ADGRF3: variants seen among roughly 807,000 people sequenced by gnomAD.
The protein encoded by ADGRF3 is adhesion G protein-coupled receptor F3.
ADGRF3 carries 85 observed loss-of-function variants against 93.2 expected under a neutral mutation model. The observed-to-expected ratio is 0.91, with a 90% CI of 0.77 to 1.09. The LOEUF (loss-of-function observed/expected upper bound fraction) is 1.09. ADGRF3 is among the 50% of genes least tolerant of loss of function. The pLI, the probability that ADGRF3 is intolerant of heterozygous loss-of-function variation, is 0.00. For synonymous variants in ADGRF3, 534 were observed against 532.5 expected, an observed-to-expected ratio of 1.00 and a Z score of -0.04; for missense variants, 1,125 against 1,246.2, an observed-to-expected ratio of 0.90 and a Z score of 1.46.
intron 1 of ADGRF3, among the ~76,000 whole-genome samples, chr2:26,336,947 T>G (rs1489035627): frequency 6.6e-6 from 1 of 151,996 alleles, no homozygotes; most frequent in Non-Finnish European, 1.5e-5. Flanking sequence ...AGTGGGAGGT[T>G]TGGAAGTAAG....
rs537826496 is a variant in ADGRF3, at chr2:26,324,132, T to C, written c.115-6570A>G. On this transcript the variant is annotated intron_variant, in intron 1 of 13. Transcript: ENST00000651242. ...TGGGTGTGGCGGCACATGCTTGTAA[T>C]CCCAGCTACATGGGAGGCTGAGGTG... 2.6e-5 allele frequency among the ~76,000 whole-genome samples: 4 copies of C among 152,206 alleles called. No homozygotes were observed. In the South Asian group the frequency reaches 8.3e-4, roughly 32 times the overall value.
chr2:26,345,614 G>C (rs929642278), intron 1 of ADGRF3: 1 of 153,584 alleles, frequency 6.5e-6, no homozygotes, highest in Non-Finnish European at 1.5e-5. Flanking sequence ...AAATTTCTAC[G>C]GCACGCAGCG....
intron 1 of ADGRF3, among the ~76,000 whole-genome samples, chr2:26,331,230 A>C (rs1346795): frequency 6.6e-6 from 1 of 152,160 alleles, no homozygotes; most frequent in Non-Finnish European, 1.5e-5. Flanking sequence ...CAGCTTATGG[A>C]CAGCTTTTGT....
chr2:26,330,239 A>C (rs1339653268), intron 1 of ADGRF3, among the ~76,000 whole-genome samples: 1 of 152,068 alleles, frequency 6.6e-6, no homozygotes, highest in Admixed American at 6.6e-5. Flanking sequence ...TGGATGGTCG[A>C]TCTCTTAGTG....
At chr2:26,326,682 C>T (rs1675450685) in intron 1 of ADGRF3, among the ~76,000 whole-genome samples, 1 of 152,068 alleles carries the variant, frequency 6.6e-6, no homozygotes, top group African/African-American at 2.4e-5. Flanking sequence ...GTACTGAGAA[C>T]CTATTGTTCA....
intron 1 of ADGRF3, among the ~76,000 whole-genome samples, chr2:26,326,204 C>A (rs1482191378): frequency 6.6e-6 from 1 of 152,212 alleles, no homozygotes; most frequent in East Asian, 1.9e-4. Context: ...CCAGGTCTAC[C>A]TGTCTGGGGA....
intron 1 of ADGRF3, among the ~76,000 whole-genome samples, chr2:26,323,039 G>A (rs545083717): frequency 3.3e-5 from 5 of 152,140 alleles, no homozygotes; most frequent in East Asian, 1.9e-4. Flanking sequence ...CTCAGGAGAC[G>A]GAGGCATGAG....
At chr2:26,336,953 G>C (rs926242736) in intron 1 of ADGRF3, among the ~76,000 whole-genome samples, 1 of 152,102 alleles carries the variant, frequency 6.6e-6, no homozygotes, top group Non-Finnish European at 1.5e-5. Flanking sequence ...AGGTTTGGAA[G>C]TAAGAGATAG....
chr2:26,345,528 T>C (rs1676663945), intron 1 of ADGRF3, among the ~76,000 whole-genome samples: 1 of 152,096 alleles, frequency 6.6e-6, no homozygotes, highest in Non-Finnish European at 1.5e-5. Context: ...GTCTTTCAAG[T>C]CCCTCTGCTG....
intron 5 of ADGRF3, among the ~76,000 whole-genome samples, chr2:26,315,135 C>T (rs1474352693): frequency 6.6e-6 from 1 of 152,140 alleles, no homozygotes; most frequent in Non-Finnish European, 1.5e-5. Flanking sequence ...TCGTGATGGC[C>T]CTGTAGCCTC....
intron 1 of ADGRF3, among the ~76,000 whole-genome samples, chr2:26,336,719 CCATAAAAAAA>C (rs1191736287): frequency 1.1e-4 from 8 of 72,972 alleles, no homozygotes; most frequent in Non-Finnish European, 1.7e-4. Flanking sequence ...GAGTGAGACT[CCATAAAAAAA>C]AAAAAAAAAA....
chr2:26,317,409 G>A, intron 2 of ADGRF3, 87 bp downstream of exon 2: 1 of 1,274,908 alleles, frequency 7.8e-7, no homozygotes, highest in Middle Eastern at 2.0e-4. Flanking sequence ...CGCTGCACCT[G>A]CCCTCTCTTT....
At chr2:26,324,539 A>G (rs541217571) in intron 1 of ADGRF3, among the ~76,000 whole-genome samples, 9 of 152,250 alleles carry the variant, frequency 5.9e-5, no homozygotes, top group South Asian at 2.1e-4. Context: ...TGTTTTCATC[A>G]TTTAGCTCCC....
Position 26,346,392 on chromosome 2 carries a change from C to T in ADGRF3, c.-158G>A. 1 of 1,361,036 alleles carries T rather than the reference C, an allele frequency of 7.3e-7. No homozygotes were observed. The highest frequency in any genetic ancestry group is 9.6e-7 in the Non-Finnish European group (1 of 1,043,886). The allele number at this position is 1,361,036 out of a possible 1,614,324, so 84.3% of individuals were successfully genotyped here. On this transcript the variant is annotated 5_prime_UTR_variant, in exon 1 of 14. Transcript: ENST00000651242. Reference sequence around the variant, plus strand: ...CGTGTCACCTTGTGCCGCGTGGCTCCGGGCGGGCTGGCGGGCGTTCCTCCG... The same window carrying T: ...CGTGTCACCTTGTGCCGCGTGGCTCTGGGCGGGCTGGCGGGCGTTCCTCCG...
chr2:26,344,644 T>C (rs752495016), intron 1 of ADGRF3, among the ~76,000 whole-genome samples: 1 of 152,166 alleles, frequency 6.6e-6, no homozygotes, highest in African/African-American at 2.4e-5. Context: ...CTGAAGTTTA[T>C]TGGTTGGCGG....
intron 3 of ADGRF3, 30 bp downstream of exon 3, chr2:26,316,882 C>T: frequency 6.3e-7 from 1 of 1,582,736 alleles, no homozygotes; most frequent in Non-Finnish European, 8.6e-7. Flanking sequence ...TGTTCATTCA[C>T]TCTCAGCCCC....
Position 26,315,686 on chromosome 2 carries a change from C to T in ADGRF3, c.554G>A (p.Ser185Asn), listed in dbSNP as rs758158995. 3.9e-6 allele frequency: 6 copies of T among 1,551,434 alleles called. No individual in the cohort carries two copies. In the African/African-American group the frequency reaches 8.2e-5, roughly 21 times the overall value. ...SQLQMPGDTL[S>N]LTLHLSQEAT... Reference sequence around the variant, plus strand: ...CTCCTGGCTCAGATGGAGAGTCAGGCTCAGCGTGTCACCAGGCATCTGCAG... The same window carrying T: ...CTCCTGGCTCAGATGGAGAGTCAGGTTCAGCGTGTCACCAGGCATCTGCAG... Residue 185 changes from serine (S) to asparagine (N), a missense_variant, in exon 5 of 14, where the codon AGC (serine) becomes AAC (asparagine). Physicochemically the swap from Ser to Asn is conservative, Grantham distance 46. Transcript: ENST00000651242.
intron 9 of ADGRF3, 144 bp from the exon 10 acceptor site, chr2:26,312,218 G>A (rs1674228873): frequency 4.9e-6 from 4 of 820,534 alleles, no homozygotes; most frequent in Non-Finnish European, 3.8e-6. Flanking sequence ...GAGGAAGACA[G>A]GCCTGTGAAG....
intron 1 of ADGRF3, among the ~76,000 whole-genome samples, chr2:26,321,784 C>T (rs1228833379): frequency 6.6e-6 from 1 of 151,732 alleles, no homozygotes; most frequent in African/African-American, 2.4e-5. Flanking sequence ...CCAGTCTGGC[C>T]AACATGGTGA....
Sources: allele counts gnomAD v4.1 joint callset (sites outside exome capture counted in the v4.1 genomes callset), GRCh38; gene constraint gnomAD v4.1.1; transcripts MANE v1.5; gene names NCBI Gene and HGNC (gene_info 2026-07-23, HGNC 2026-07-21).